CUX1: variants seen among roughly 807,000 people sequenced by gnomAD.
CUX1 encodes the protein protein CASP.
In CUX1, 31 loss-of-function variants were observed where a neutral mutation model predicts 158.8. The ratio of observed to expected loss-of-function variants is 0.20; its 90% CI spans 0.15 to 0.26. The LOEUF (loss-of-function observed/expected upper bound fraction) is 0.26. CUX1 is among the 10% of genes least tolerant of loss of function. CUX1 has a pLI of 1.00. For synonymous variants in CUX1, 879 were observed against 862.1 expected (o/e 1.02, Z -0.34); for missense variants, 1,589 against 2,014.6 (o/e 0.79, Z 4.04).
At chr7:102,028,513 G>A (rs12671456) in intron 3 of CUX1, among the ~76,000 whole-genome samples, 22 of 152,244 alleles carry the variant, frequency 1.4e-4, no homozygotes, top group Middle Eastern at 3.4e-3. Flanking sequence ...ACTGCCATGA[G>A]TGTGTGCCAT....
At chr7:101,960,733 A>C (rs1243208697) in intron 2 of CUX1, 1 of 152,252 alleles carries the variant, frequency 6.6e-6, no homozygotes, top group Non-Finnish European at 1.5e-5. Context: ...GTGAGATGAA[A>C]GATTGTTTAT....
intron 18 of CUX1, among the ~76,000 whole-genome samples, chr7:102,279,767 G>A (rs892754569): frequency 1.3e-5 from 2 of 152,148 alleles, no homozygotes; most frequent in African/African-American, 2.4e-5. Flanking sequence ...CTGCAGCTGC[G>A]CCCGGCCCTG....
intron 6 of CUX1, among the ~76,000 whole-genome samples, chr7:102,108,839 C>A (rs1185268527): frequency 6.6e-6 from 1 of 151,684 alleles, no homozygotes; most frequent in Admixed American, 6.6e-5. Context: ...ACTGCAACCT[C>A]CACCTCCTGG....
chr7:101,846,846 C>T (rs1369581921), intron 1 of CUX1, among the ~76,000 whole-genome samples: 2 of 152,002 alleles, frequency 1.3e-5, no homozygotes, highest in Non-Finnish European at 2.9e-5. Flanking sequence ...GACTTCCTGA[C>T]ATGTAGCTAG....
intron 7 of CUX1, 143 bp downstream of exon 7, chr7:102,111,917 TC>T: frequency 1.6e-6 from 1 of 644,544 alleles, no homozygotes; most frequent in South Asian, 1.9e-5. Flanking sequence ...GCTGAAGAAT[TC>T]CGCAGCACGC....
intron 2 of CUX1, among the ~76,000 whole-genome samples, chr7:101,939,325 T>C (rs1807414025): frequency 6.6e-6 from 1 of 151,944 alleles, no homozygotes; most frequent in African/African-American, 2.4e-5. Context: ...GTGTGGCCGC[T>C]GTCAGTGCCA....
At chr7:102,147,183 A>G (rs529113943) in intron 8 of CUX1, among the ~76,000 whole-genome samples, 1 of 152,152 alleles carries the variant, frequency 6.6e-6, no homozygotes, top group East Asian at 1.9e-4. Flanking sequence ...GGCTTGGCAG[A>G]TGCAAGATGG....
rs778682271 is a variant in CUX1, at chr7:102,109,236, C to T, written c.531-2462C>T. ...GAAGAAATATTTGTACCATGTAAGA[C>T]AAAAGGCTAATTTTCTTTATATACA... is the stretch of plus-strand genomic sequence containing the variant. On this transcript the variant is annotated intron_variant, in intron 6 of 23. Coordinates refer to ENST00000292535, the MANE Select transcript of CUX1 (RefSeq NM_181552.4). Among the ~76,000 whole-genome samples, 74 of 152,018 alleles carry T rather than the reference C, an allele frequency of 4.9e-4. 1 individual carries two copies. Among genetic ancestry groups the T allele is most frequent in the Non-Finnish European group, 9.1e-4 (62 of 67,990 alleles).
At chr7:101,917,608 A>T (rs1259161585) in intron 2 of CUX1, among the ~76,000 whole-genome samples, 1 of 152,136 alleles carries the variant, frequency 6.6e-6, no homozygotes, top group African/African-American at 2.4e-5. Context: ...GGAAAAAAAG[A>T]GCTGGGGACA....
At chr7:102,233,955 A>T in intron 21 of CUX1, 97 bp from the exon 22 acceptor site, 1 of 1,019,582 alleles carries the variant, frequency 9.8e-7, no homozygotes, top group Middle Eastern at 2.2e-4. Flanking sequence ...CTGAGCCTTT[A>T]AACTCCTGTG....
rs749356187 is a variant in CUX1 at position 102,142,089 on chromosome 7, C to T, written c.675-16471C>T. 3.3e-5 allele frequency among the ~76,000 whole-genome samples: 5 copies of T among 152,160 alleles called. No individual in the cohort carries two copies. The South Asian group carries it at 6.2e-4, about 19-fold the overall frequency. ...CCATGCACCACTGCGCCGCCCTGCA[C>T]CTCAGTTTCCCCACTTGTGAAATCC... On this transcript the variant is annotated intron_variant, in intron 8 of 23. Transcript: ENST00000292535.
chr7:102,126,633 G>T (rs1245887022), intron 8 of CUX1, among the ~76,000 whole-genome samples: 1 of 152,070 alleles, frequency 6.6e-6, no homozygotes, highest in Non-Finnish European at 1.5e-5. Context: ...AGCGTGCTCA[G>T]AACACCCACG....
intron 2 of CUX1, among the ~76,000 whole-genome samples, chr7:101,919,689 C>T (rs1423606028): frequency 1.3e-5 from 2 of 152,176 alleles, no homozygotes; most frequent in Non-Finnish European, 2.9e-5. Context: ...TAATGTGTTC[C>T]ACAGGGAGGA....
intron 1 of CUX1, among the ~76,000 whole-genome samples, chr7:101,829,624 A>G (rs1793757763): frequency 6.7e-6 from 1 of 149,058 alleles, no homozygotes; most frequent in Non-Finnish European, 1.5e-5. Flanking sequence ...GGGGCCGCCC[A>G]AGATGAGCTT....
intron 20 of CUX1, among the ~76,000 whole-genome samples, chr7:102,225,948 C>T (rs1205947882): frequency 6.6e-6 from 1 of 152,278 alleles, no homozygotes; most frequent in Non-Finnish European, 1.5e-5. Flanking sequence ...TGCCAAGACA[C>T]TGAGCTGGGC....
At chr7:102,035,181 A>C (rs1327186272) in intron 3 of CUX1, among the ~76,000 whole-genome samples, 1 of 152,074 alleles carries the variant, frequency 6.6e-6, no homozygotes, top group African/African-American at 2.4e-5. Flanking sequence ...CAGAGAAGAC[A>C]AAAAGAAATA....
chr7:102,127,157 G>C (rs1315204452), intron 8 of CUX1, among the ~76,000 whole-genome samples: 1 of 152,186 alleles, frequency 6.6e-6, no homozygotes, highest in Non-Finnish European at 1.5e-5. Context: ...GCAGGCCACA[G>C]ATGTGGCCAA....
Position 101,901,048 on chromosome 7 carries a change from G to C in CUX1, c.31-15067G>C, listed in dbSNP as rs149720666. ...AACGACCCTGGGAGGTGAGGTAGGT[G>C]GTATATTTTACCAATGGGAAAATCG... On this transcript the variant is annotated intron_variant, in intron 1 of 23. Coordinates refer to ENST00000292535, the MANE Select transcript of CUX1 (RefSeq NM_181552.4). Among the ~76,000 whole-genome samples, 56 of 152,142 alleles carry C rather than the reference G, an allele frequency of 3.7e-4. 1 individual carries two copies. The East Asian group carries it at 0.011, about 29-fold the overall frequency.
intron 16 of CUX1, among the ~76,000 whole-genome samples, chr7:102,274,667 C>T (rs1168030109): frequency 6.6e-6 from 1 of 152,214 alleles, no homozygotes; most frequent in Admixed American, 6.5e-5. Context: ...GGATCTTAGA[C>T]TGACACCCCC....
Sources: allele counts gnomAD v4.1 joint callset (sites outside exome capture counted in the v4.1 genomes callset), GRCh38; gene constraint gnomAD v4.1.1; transcripts MANE v1.5; gene names NCBI Gene and HGNC (gene_info 2026-07-23, HGNC 2026-07-21).